The following HPS5 variants were observed in gnomAD, a reference collection of about 807,000 sequenced individuals.
HPS5 encodes HPS5 biogenesis of lysosomal organelles complex 2 subunit 2, also known as BLOC-2 complex member HPS5.
HPS5 carries 83 observed loss-of-function variants against 128.0 expected under a neutral mutation model. That is an observed-to-expected ratio of 0.65 (90% CI 0.54 to 0.78). HPS5 has a LOEUF of 0.78. Among genes scored for constraint, HPS5 ranks in the 30% least tolerant of loss-of-function variants. HPS5 has a pLI of 0.00. For missense variants in HPS5, 1,281 were observed against 1,326.2 expected, an observed-to-expected ratio of 0.97 and a Z score of 0.53; for synonymous variants, 475 against 470.2, an observed-to-expected ratio of 1.01 and a Z score of -0.13.
chr11:18,304,509 G>A (rs11024611), intron 8 of HPS5, among the ~76,000 whole-genome samples: 21,192 of 152,032 alleles, frequency 0.14, 1,576 homozygotes, highest in African/African-American at 0.19. Context: ...AGCCACACCC[G>A]GCCTTATAAT....
intron 21 of HPS5, among the ~76,000 whole-genome samples, chr11:18,283,531 A>G (rs1217497950): frequency 7.1e-6 from 1 of 140,130 alleles, no homozygotes; most frequent in African/African-American, 2.5e-5. Flanking sequence ...TATGGAAAGC[A>G]CACAGTATAG....
rs545056252 is a variant in HPS5 at position 18,288,020 on chromosome 11, T to C, written c.2441-7A>G. The C allele has an allele frequency of 6.2e-7, 1 of 1,613,512 alleles. No homozygotes were observed. The highest frequency in any genetic ancestry group is 1.1e-5 in the South Asian group (1 of 91,070). ...GGATTGGAACTTGCCATTTCTGAAA[T>C]ATAAAGCATATCCTTTTCCAAACTT... is the stretch of plus-strand genomic sequence containing the variant. On this transcript the variant is annotated splice_polypyrimidine_tract_variant and splice_region_variant and intron_variant, in intron 16 of 22. Transcript: ENST00000349215.
At chr11:18,299,247 A>G (rs972782716) in intron 9 of HPS5, among the ~76,000 whole-genome samples, 1 of 152,232 alleles carries the variant, frequency 6.6e-6, no homozygotes, top group African/African-American at 2.4e-5. Flanking sequence ...GAATTGGGAC[A>G]TTAAAAGAGG....
intron 22 of HPS5, chr11:18,280,777 C>A: frequency 2.1e-6 from 1 of 471,540 alleles, no homozygotes; most frequent in Non-Finnish European, 3.7e-6. Flanking sequence ...TCAGTGAAAA[C>A]AGGCTGGTCA....
At chr11:18,313,202 A>G (rs1310834969) in intron 2 of HPS5, among the ~76,000 whole-genome samples, 3 of 152,088 alleles carry the variant, frequency 2.0e-5, no homozygotes, top group African/African-American at 7.3e-5. Flanking sequence ...AAGGACAATC[A>G]AAACACATAC....
rs560730650 is a variant in HPS5 at position 18,296,966 on chromosome 11, C to A, written c.1342G>T (p.Asp448Tyr). 2 of 1,601,724 alleles carry A rather than the reference C, an allele frequency of 1.2e-6. No homozygotes were observed. Among genetic ancestry groups the A allele is most frequent in the Non-Finnish European group, 1.7e-6 (2 of 1,170,244 alleles). The change falls in exon 12 of 23, where the codon GAC becomes TAC. Residue 448 changes from aspartate to tyrosine, a missense_variant. By Grantham distance (160) the Asp-to-Tyr change is radical. Transcript: ENST00000349215. ...CTAATGATACGATAAATACCAGAGT[C>A]CAAGATGCTGAAACTTTCCTAAAAA... is the stretch of plus-strand genomic sequence containing the variant. ...ISSHESFSIL[D>Y]SGIYRIISSR...
In HPS5 at chr11:18,292,483, C is replaced by T. The variant is rs544441905; in HGVS notation, c.1862+416G>A. 3.3e-5 allele frequency among the ~76,000 whole-genome samples: 5 copies of T among 152,270 alleles called. No homozygotes were observed. The East Asian group carries it at 7.7e-4, about 23-fold the overall frequency. ...TGCTGGGATTACAGTCATGAGCCACCACGCCCAGCCTACTTCTTCAATTTC... is the reference window on the plus strand; with the variant it reads ...TGCTGGGATTACAGTCATGAGCCACTACGCCCAGCCTACTTCTTCAATTTC... On this transcript the variant is annotated intron_variant, in intron 15 of 22. Transcript: ENST00000349215.
rs879355935 is a variant in HPS5, at chr11:18,278,866, C to T, written c.*1016G>A. On this transcript the variant is annotated 3_prime_UTR_variant, in exon 23 of 23. Transcript: ENST00000349215. ...TTACATAATTTAAATAACACAAGTG[C>T]TTGCTGCAGTCTTTATTAGTACACA... The T allele has an allele frequency of 1.3e-5, 2 of 152,568 alleles. No individual in the cohort carries two copies. The highest frequency in any genetic ancestry group is 2.4e-5 in the African/African-American group (1 of 41,428). The allele number at this position is 152,568 out of a possible 1,614,324, so 9.5% of individuals were successfully genotyped here. A position where few individuals can be genotyped will look rare whatever the true frequency, so the allele number is the denominator to read the frequency against.
chr11:18,297,080 A>G, intron 11 of HPS5, 96 bp from the exon 12 acceptor site: 1 of 833,308 alleles, frequency 1.2e-6, no homozygotes, highest in East Asian at 2.6e-5. Context: ...CTCAAATAGA[A>G]AGTTAATAAC....
intron 7 of HPS5, among the ~76,000 whole-genome samples, chr11:18,305,756 G>T (rs1369531551): frequency 1.4e-5 from 2 of 147,530 alleles, no homozygotes; most frequent in Non-Finnish European, 3.0e-5. Flanking sequence ...TTTTTGAGAC[G>T]GAGTCTCGCT....
In HPS5 at chr11:18,291,804, CT is replaced by C. The variant is rs746844529; in HGVS notation, c.2077del (p.Arg693GlyfsTer4). On this transcript the variant is annotated frameshift_variant, in exon 16 of 23. Coordinates refer to ENST00000349215, the MANE Select transcript of HPS5 (RefSeq NM_181507.2). LOFTEE classifies it high-confidence loss of function. ...ILDEDNEKEK[R>X]DSLGNEESVD... ...AGATTCTTCATTGCCTAAAGAGTCC[CT>C]TTTTTCTTTTTCATTATCTTCATCT... 6.8e-6 allele frequency: 11 copies of C among 1,613,238 alleles called. No homozygotes were observed. Among genetic ancestry groups the C allele is most frequent in the Non-Finnish European group, 4.2e-6 (5 of 1,179,586 alleles).
chr11:18,292,158 A>C (rs948980570), intron 15 of HPS5, 139 bp from the exon 16 acceptor site: 2 of 677,314 alleles, frequency 3.0e-6, no homozygotes, highest in African/African-American at 3.6e-5. Context: ...TTAAATAAAA[A>C]CTATCTCAAC....
In HPS5 at chr11:18,297,064, C is replaced by T. The variant is rs1284940393; in HGVS notation, c.1324-80G>A. 4 of 889,770 alleles carry T rather than the reference C, an allele frequency of 4.5e-6. No individual in the cohort carries two copies. In the African/African-American group the frequency reaches 5.1e-5, roughly 11 times the overall value. 55.1% of individuals were successfully genotyped at this position (889,770 alleles called of 1,614,324 possible). On this transcript the variant is annotated intron_variant, in intron 11 of 22. Transcript: ENST00000349215. ...TTAATATAACTTCTGCAGAGAAATA[C>T]CAACACTCAAATAGAAAGTTAATAA... is the stretch of plus-strand genomic sequence containing the variant.
At chr11:18,299,039 C>A (rs1211040550) in intron 9 of HPS5, 69 bp from the exon 10 acceptor site, 14 of 1,404,380 alleles carry the variant, frequency 1.0e-5, no homozygotes, top group Non-Finnish European at 1.4e-5. Context: ...AAAAGGGATG[C>A]AATTATTCTA....
chr11:18,280,623 A>C lies in HPS5; in HGVS notation c.3330-681T>G, dbSNP rs1037441261. On this transcript the variant is annotated intron_variant, in intron 22 of 22. Coordinates refer to ENST00000349215, the MANE Select transcript of HPS5 (RefSeq NM_181507.2). ...GCAGCGTTATTCACAATAGCCAGAAAGTGGAAGCAATTCAAGTGTCTGTCA... is the reference window on the plus strand; with the variant it reads ...GCAGCGTTATTCACAATAGCCAGAACGTGGAAGCAATTCAAGTGTCTGTCA... 4.3e-6 allele frequency: 3 copies of C among 694,314 alleles called. No homozygotes were observed. In the East Asian group the frequency reaches 8.1e-5, roughly 19 times the overall value. 43.0% of individuals were successfully genotyped at this position (694,314 alleles called of 1,614,324 possible). A position where few individuals can be genotyped will look rare whatever the true frequency, so the allele number is the denominator to read the frequency against.
Position 18,306,240 on chromosome 11 carries a change from C to G in HPS5, c.719G>C (p.Arg240Pro), listed in dbSNP as rs764296457. The stretch of plus-strand genomic sequence containing the variant: ...CACTTCCCACATCCTAGAGCCTGGG[C>G]GAGCACAATATATCAGAGGTTGCTG... ...GGQQPLIYCA[R>P]PGSRMWEVNF... The change falls in exon 7 of 23, where the codon CGC becomes CCC. Residue 240 changes from arginine (R) to proline (P), a missense_variant. Arg to Pro is a moderately radical substitution (Grantham distance 103). Coordinates refer to ENST00000349215, the MANE Select transcript of HPS5 (RefSeq NM_181507.2). The G allele has an allele frequency of 6.2e-6, 10 of 1,613,756 alleles. No homozygotes were observed. In the East Asian group the frequency reaches 1.1e-4, roughly 18 times the overall value.
At chr11:18,286,926 G>A (rs1488748113) in intron 18 of HPS5, 5 of 624,240 alleles carry the variant, frequency 8.0e-6, no homozygotes, top group Non-Finnish European at 1.1e-5. Flanking sequence ...AAAAAAGGGA[G>A]AGAAAGAGAG....
At position 18,291,933 on chromosome 11, in the gene HPS5, G is replaced by GT. The variant is rs1161105539; in HGVS notation, c.1948dup (p.Thr650AsnfsTer14). 2 of 1,608,698 alleles carry GT rather than the reference G, an allele frequency of 1.2e-6. No homozygotes were observed. The highest frequency in any genetic ancestry group is 1.7e-5 in the Admixed American group (1 of 58,268). Reference sequence around the variant, plus strand: ...ACCTGAAAAGTCCTTCATGGCAAATGTTTTTTCTAAATGTGAAAGCCACTC... The same window carrying GT: ...ACCTGAAAAGTCCTTCATGGCAAATGTTTTTTTCTAAATGTGAAAGCCACTC... On this transcript the variant is annotated frameshift_variant, in exon 16 of 23. Coordinates refer to ENST00000349215, the MANE Select transcript of HPS5 (RefSeq NM_181507.2). LOFTEE classifies it high-confidence loss of function.
chr11:18,304,379 G>A (rs908698623), intron 8 of HPS5, among the ~76,000 whole-genome samples: 1 of 151,988 alleles, frequency 6.6e-6, no homozygotes, highest in Non-Finnish European at 1.5e-5. Context: ...ACTATGCCTG[G>A]CTAATTTTTG....
Sources: gnomAD v4.1 joint callset for allele counts (sites outside exome capture counted in the v4.1 genomes callset) on GRCh38, gnomAD v4.1.1 for gene constraint, MANE v1.5 for transcripts, NCBI Gene and HGNC (gene_info 2026-07-23, HGNC 2026-07-21) for gene names.